MAP3K7: variants seen among roughly 807,000 people sequenced by gnomAD.
MAP3K7 encodes the protein mitogen-activated protein kinase kinase kinase 7, also known as TGF-beta activated kinase 1.
MAP3K7 carries 21 observed loss-of-function variants against 84.8 expected under a neutral mutation model. That is an observed-to-expected ratio of 0.25 (90% CI 0.18 to 0.36). The LOEUF (loss-of-function observed/expected upper bound fraction) is 0.36, where lower values mean the gene tolerates loss of function less well. Ranked by LOEUF, MAP3K7 falls within the 10% of genes least tolerant of loss-of-function variation. MAP3K7 has a pLI of 1.00. For synonymous variants in MAP3K7, 241 were observed against 247.7 expected (o/e 0.97, Z 0.25); for missense variants, 503 against 747.7 (o/e 0.67, Z 3.82).
At chr6:90,540,647 G>A (rs1775827047) in intron 12 of MAP3K7, among the ~76,000 whole-genome samples, 2 of 151,814 alleles carry the variant, frequency 1.3e-5, no homozygotes, top group South Asian at 4.1e-4. Context: ...GTAGATTTTA[G>A]AATGCATTAT....
chr6:90,570,225 A>G (rs1283207149), intron 2 of MAP3K7, among the ~76,000 whole-genome samples: 1 of 152,186 alleles, frequency 6.6e-6, no homozygotes, highest in Non-Finnish European at 1.5e-5. Flanking sequence ...AACAGCATAC[A>G]TTTTTGGAAG....
At chr6:90,556,254 A>G (rs1776336044) in intron 6 of MAP3K7, among the ~76,000 whole-genome samples, 1 of 152,222 alleles carries the variant, frequency 6.6e-6, no homozygotes, top group Admixed American at 6.5e-5. Flanking sequence ...CAAATAGGCA[A>G]TTTTGCAATT....
intron 12 of MAP3K7, among the ~76,000 whole-genome samples, chr6:90,540,730 T>C (rs1380649878): frequency 1.3e-5 from 2 of 151,940 alleles, no homozygotes; most frequent in Admixed American, 1.3e-4. Flanking sequence ...CCATCTTCCA[T>C]TACTGATGCT....
At chr6:90,572,994 C>T (rs955018395) in intron 1 of MAP3K7, among the ~76,000 whole-genome samples, 1 of 152,150 alleles carries the variant, frequency 6.6e-6, no homozygotes, top group African/African-American at 2.4e-5. Context: ...AAAAAATCTG[C>T]ATCTCTTAAC....
At chr6:90,531,612 A>G (rs1299396497) in intron 13 of MAP3K7, among the ~76,000 whole-genome samples, 1 of 152,176 alleles carries the variant, frequency 6.6e-6, no homozygotes, top group African/African-American at 2.4e-5. Flanking sequence ...AGGAAATTTC[A>G]GAATTTTATT....
At chr6:90,564,084 G>A (rs1187661762) in intron 3 of MAP3K7, among the ~76,000 whole-genome samples, 1 of 152,152 alleles carries the variant, frequency 6.6e-6, no homozygotes, top group African/African-American at 2.4e-5. Flanking sequence ...AACATGGAAA[G>A]GAACAACCGG....
intron 16 of MAP3K7, among the ~76,000 whole-genome samples, chr6:90,517,481 A>T (rs1328780081): frequency 6.6e-6 from 1 of 151,830 alleles, no homozygotes; most frequent in African/African-American, 2.4e-5. Context: ...CTAATCCACC[A>T]TTTGTTTTTT....
Position 90,541,767 on chromosome 6 carries a change from G to C in MAP3K7, c.1291+2785C>G, listed in dbSNP as rs553516545. 3.9e-5 allele frequency among the ~76,000 whole-genome samples: 6 copies of C among 151,952 alleles called. No homozygotes were observed. The South Asian group carries it at 1.2e-3, about 32-fold the overall frequency. On this transcript the variant is annotated intron_variant, in intron 12 of 16. Coordinates refer to ENST00000369329, the MANE Select transcript of MAP3K7 (RefSeq NM_145331.3). The stretch of plus-strand genomic sequence containing the variant: ...GCATAGTATACACATTTTGAAGAGC[G>C]AGCAAAAAACAAGATTACAAGATTA...
Position 90,516,615 on chromosome 6 carries a change from C to T in MAP3K7, c.1707G>A (p.Gln569=), listed in dbSNP as rs145838783. The change falls in exon 17 of 17, where the codon CAG becomes CAA. Residue 569 remains glutamine (Q), a synonymous_variant. Transcript: ENST00000369329. ...TTTCATCTAAAAGCTTTTTATGTTC[C>T]TGTACCAGGCGAGATGTATTTTGCT... The part of the protein sequence containing the change: ...KDQQNTSRLV[Q]EHKKLLDENK... 1.2e-6 allele frequency: 2 copies of T among 1,612,062 alleles called. No individual in the cohort carries two copies. Among genetic ancestry groups the T allele is most frequent in the Admixed American group, 1.7e-5 (1 of 59,738 alleles).
chr6:90,586,868 C>T lies in MAP3K7; in HGVS notation c.16G>A (p.Ala6Thr). The T allele has an allele frequency of 1.2e-6, 2 of 1,610,426 alleles. No homozygotes were observed. Among genetic ancestry groups the T allele is most frequent in the Non-Finnish European group, 8.5e-7 (1 of 1,178,456 alleles). ...GAAGACGAGGAGGAGGAGGAGGCGG[C>T]AGAGGCTGTAGACATGATCCCTCGC... MSTASAASSSSSSSAG... is the reference protein window; with the variant it reads MSTASTASSSSSSSAG... Residue 6 changes from alanine to threonine, a missense_variant, in exon 1 of 17, where the codon GCC becomes ACC. Ala to Thr is a moderately conservative substitution (Grantham distance 58). This residue lies in a region of MAP3K7 where 41 missense variants were observed against 41.4 expected (regional missense o/e 0.99). Coordinates refer to ENST00000369329, the MANE Select transcript of MAP3K7 (RefSeq NM_145331.3).
chr6:90,564,720 C>T (rs932436087), intron 3 of MAP3K7, among the ~76,000 whole-genome samples: 2 of 152,208 alleles, frequency 1.3e-5, no homozygotes, highest in African/African-American at 4.8e-5. Flanking sequence ...CCAAGTGGAC[C>T]TAATAGACAT....
intron 5 of MAP3K7, among the ~76,000 whole-genome samples, chr6:90,558,669 AT>A (rs1435998783): frequency 6.6e-6 from 1 of 152,236 alleles, no homozygotes; most frequent in East Asian, 1.9e-4. Context: ...TAAACCTAAA[AT>A]TCATGGGGTG....
chr6:90,536,533 T>G, intron 12 of MAP3K7, 132 bp from the exon 13 acceptor site: 5 of 620,404 alleles, frequency 8.1e-6, no homozygotes, highest in South Asian at 2.0e-5. Flanking sequence ...GAAAAAAAAG[T>G]GAGTTTATTG....
intron 9 of MAP3K7, 49 bp from the exon 10 acceptor site, chr6:90,548,226 T>A: frequency 2.0e-6 from 3 of 1,507,158 alleles, no homozygotes; most frequent in Non-Finnish European, 2.7e-6. Context: ...ATAATACAAA[T>A]GCTTCACTTG....
chr6:90,515,694 T>A lies in MAP3K7; in HGVS notation c.*807A>T, dbSNP rs1774935458. 1 of 151,748 alleles carries A rather than the reference T, an allele frequency of 6.6e-6. No homozygotes were observed. Among genetic ancestry groups the A allele is most frequent in the Non-Finnish European group, 1.5e-5 (1 of 67,852 alleles). The allele number at this position is 151,748 out of a possible 1,614,324, so 9.4% of individuals were successfully genotyped here. A position where few individuals can be genotyped will look rare whatever the true frequency, so the allele number is the denominator to read the frequency against. ...GGAAGAAATGATCATTTAAGCTCAA[T>A]CATGTTCTTTTGCCTTTTAATTTCA... On this transcript the variant is annotated 3_prime_UTR_variant, in exon 17 of 17. Coordinates refer to ENST00000369329, the MANE Select transcript of MAP3K7 (RefSeq NM_145331.3).
intron 14 of MAP3K7, among the ~76,000 whole-genome samples, chr6:90,520,372 GTGTT>G (rs1190183267): frequency 7.0e-6 from 1 of 142,208 alleles, no homozygotes; most frequent in East Asian, 2.0e-4. Context: ...GATAATCCAG[GTGTT>G]TTTTTTTCTT....
intron 7 of MAP3K7, among the ~76,000 whole-genome samples, chr6:90,552,601 G>A (rs1484946431): frequency 6.6e-6 from 1 of 152,106 alleles, no homozygotes; most frequent in Non-Finnish European, 1.5e-5. Context: ...GTAAAAAATG[G>A]CCATTAGTCA....
intron 1 of MAP3K7, among the ~76,000 whole-genome samples, chr6:90,572,725 C>T (rs1582235244): frequency 6.6e-6 from 1 of 151,990 alleles, no homozygotes; most frequent in Non-Finnish European, 1.5e-5. Context: ...AAATAAAGAT[C>T]AGACATGTAT....
In MAP3K7 at chr6:90,553,386, GA is replaced by G; in HGVS notation, c.736+71del. The G allele has an allele frequency of 2.2e-6, 3 of 1,357,696 alleles. No homozygotes were observed. In the South Asian group the frequency reaches 3.8e-5, roughly 17 times the overall value. The allele number at this position is 1,357,696 out of a possible 1,614,324, so 84.1% of individuals were successfully genotyped here. The stretch of plus-strand genomic sequence containing the variant: ...TTAGAGATAAATGATATTCTTTAGG[GA>G]AGGGGACAGGAGTAGTCTTCCAAGT... On this transcript the variant is annotated intron_variant, in intron 7 of 16. Coordinates refer to ENST00000369329, the MANE Select transcript of MAP3K7 (RefSeq NM_145331.3).
Sources: gnomAD v4.1 joint callset for allele counts (sites outside exome capture counted in the v4.1 genomes callset) on GRCh38, gnomAD v4.1.1 for gene constraint, gnomAD v4.1.1 regional missense constraint, MANE v1.5 for transcripts, NCBI Gene and HGNC (gene_info 2026-07-23, HGNC 2026-07-21) for gene names.